Variants in QTMAN observed in about 807,000 individuals in gnomAD.
The protein encoded by QTMAN is tRNA-queuosine alpha-mannosyltransferase.
chr2:144,060,759 T>C, the QTMAN span, among the ~76,000 whole-genome samples: 2 of 152,206 alleles, frequency 1.3e-5, no homozygotes, highest in African/African-American at 2.4e-5. Context: ...AAGAAAATTA[T>C]TGAAAATTAA....
the QTMAN span, among the ~76,000 whole-genome samples, chr2:144,072,708 T>C: frequency 6.6e-6 from 1 of 152,218 alleles, no homozygotes; most frequent in Non-Finnish European, 1.5e-5. Context: ...GCCAAACGCC[T>C]TCACAAGGTT....
chr2:144,171,050 A>C, the QTMAN span, among the ~76,000 whole-genome samples: 1 of 152,182 alleles, frequency 6.6e-6, no homozygotes, highest in Non-Finnish European at 1.5e-5. Context: ...TGAGACCTGG[A>C]GGCAGTCACT....
the QTMAN span, among the ~76,000 whole-genome samples, chr2:144,314,626 T>C: frequency 1.1e-4 from 16 of 152,220 alleles, no homozygotes; most frequent in East Asian, 2.7e-3. Context: ...GGCAGGAGAA[T>C]GGCGTGAACC....
chr2:144,160,961 T>G, the QTMAN span, among the ~76,000 whole-genome samples: 1 of 152,148 alleles, frequency 6.6e-6, no homozygotes, highest in Non-Finnish European at 1.5e-5. Context: ...TATATTAATA[T>G]ATAGAAATCT....
chr2:144,024,441 G>A, the QTMAN span, among the ~76,000 whole-genome samples: 1 of 152,146 alleles, frequency 6.6e-6, no homozygotes, highest in African/African-American at 2.4e-5. Flanking sequence ...TCTGTATACT[G>A]CTGTGTGGTT....
At chr2:144,321,408 G>C in the QTMAN span, among the ~76,000 whole-genome samples, 3 of 152,296 alleles carry the variant, frequency 2.0e-5, no homozygotes, top group African/African-American at 7.2e-5. Context: ...ACAAAAAGAT[G>C]TTAATTAGTC....
chr2:143,968,578 G>A, the QTMAN span, among the ~76,000 whole-genome samples: 2 of 152,270 alleles, frequency 1.3e-5, no homozygotes, highest in South Asian at 2.1e-4. Flanking sequence ...AGTAAAAACC[G>A]AGTCTTCTTT....
chr2:144,170,358 T>C, the QTMAN span, among the ~76,000 whole-genome samples: 1 of 152,196 alleles, frequency 6.6e-6, no homozygotes, highest in Non-Finnish European at 1.5e-5. Flanking sequence ...AAAGCACTTA[T>C]TACTCAGAAC....
the QTMAN span, chr2:143,946,241 A>G: frequency 6.6e-6 from 1 of 152,230 alleles, no homozygotes; most frequent in East Asian, 1.9e-4. Context: ...TGGGAAAAAA[A>G]TTAAAACAAG....
At chr2:144,168,034 A>G in the QTMAN span, among the ~76,000 whole-genome samples, 1 of 152,150 alleles carries the variant, frequency 6.6e-6, no homozygotes, top group Non-Finnish European at 1.5e-5. Context: ...AATTTTACCA[A>G]AACTGCTATG....
chr2:144,002,384 C>G, the QTMAN span, among the ~76,000 whole-genome samples: 1 of 151,910 alleles, frequency 6.6e-6, no homozygotes, highest in Non-Finnish European at 1.5e-5. Flanking sequence ...AGATAAACCA[C>G]AGTTAATCAG....
chr2:143,947,428 T>C, the QTMAN span, among the ~76,000 whole-genome samples: 1 of 152,180 alleles, frequency 6.6e-6, no homozygotes, highest in African/African-American at 2.4e-5. Context: ...CAACCATTCA[T>C]AGTTGGATGA....
chr2:144,178,004 A>T, the QTMAN span, among the ~76,000 whole-genome samples: 1 of 152,196 alleles, frequency 6.6e-6, no homozygotes, highest in Admixed American at 6.6e-5. Context: ...CATACTAATC[A>T]GCACAGTCCT....
the QTMAN span, chr2:144,006,319 CGGCAAA>C: frequency 2.0e-5 from 3 of 152,052 alleles, no homozygotes; most frequent in Non-Finnish European, 4.4e-5. Flanking sequence ...GGCAAATCCT[CGGCAAA>C]GGCGCTTTGC....
the QTMAN span, among the ~76,000 whole-genome samples, chr2:144,331,073 G>A: frequency 2.0e-4 from 30 of 152,246 alleles, no homozygotes; most frequent in South Asian, 1.5e-3. Context: ...TTTCAAGCAT[G>A]TCAAAGAAAG....
chr2:144,246,053 A>T, the QTMAN span, among the ~76,000 whole-genome samples: 2 of 152,118 alleles, frequency 1.3e-5, no homozygotes, highest in African/African-American at 4.8e-5. Context: ...CTTAACACAG[A>T]CCTAATTATG....
the QTMAN span, among the ~76,000 whole-genome samples, chr2:144,130,040 A>T: frequency 6.6e-6 from 1 of 151,508 alleles, no homozygotes; most frequent in Non-Finnish European, 1.5e-5. Flanking sequence ...CTTTTTCAAT[A>T]TCTTCAAAGT....
At chr2:144,316,407 T>C in the QTMAN span, among the ~76,000 whole-genome samples, 1 of 152,230 alleles carries the variant, frequency 6.6e-6, no homozygotes, top group Non-Finnish European at 1.5e-5. Context: ...CATCCCTGCA[T>C]CCCAAAATGT....
chr2:144,196,887 T>C, the QTMAN span, among the ~76,000 whole-genome samples: 2 of 152,204 alleles, frequency 1.3e-5, no homozygotes, highest in African/African-American at 2.4e-5. Context: ...GCAGGGGGGA[T>C]AGTGATAAGT....
Sources: gnomAD v4.1 joint callset for allele counts (sites outside exome capture counted in the v4.1 genomes callset) on GRCh38, gnomAD v4.1.1 for gene constraint, MANE v1.5 for transcripts, NCBI Gene and HGNC (gene_info 2026-07-23, HGNC 2026-07-21) for gene names.